The following MEPE variants were observed in gnomAD, a reference collection of about 807,000 sequenced individuals.
MEPE encodes matrix extracellular phosphoglycoprotein.
MEPE carries 7 observed loss-of-function variants against 7.3 expected under a neutral mutation model. That is an observed-to-expected ratio of 0.95 (90% CI 0.54 to 1.79). The LOEUF is 1.79. MEPE is among the 40% of genes most tolerant of loss of function. The probability of loss-of-function intolerance (pLI) is 0.00; values close to 1 mark genes in which losing one functional copy is unlikely to be tolerated. For synonymous variants in MEPE, 214 were observed against 213.1 expected (o/e 1.00, Z -0.04); for missense variants, 623 against 628.2 (o/e 0.99, Z 0.09).
chr4:87,842,590 T>G (rs1443350026), intron 3 of MEPE, among the ~76,000 whole-genome samples: 2 of 152,010 alleles, frequency 1.3e-5, no homozygotes, highest in Non-Finnish European at 2.9e-5. Flanking sequence ...CATAATCAGG[T>G]GATGGGTCTG....
upstream of MEPE, among the ~76,000 whole-genome samples, chr4:87,831,644 C>T (rs2109992923): frequency 6.6e-6 from 1 of 152,230 alleles, no homozygotes; most frequent in African/African-American, 2.4e-5. Flanking sequence ...GTGCTTAAAA[C>T]CTCCAAGGAC....
chr4:87,832,787 C>T (rs561158194), upstream of MEPE: 1 of 152,278 alleles, frequency 6.6e-6, no homozygotes, highest in East Asian at 1.9e-4. Flanking sequence ...ATCCCACTTT[C>T]TGGAACATTT....
chr4:87,845,951 C>A lies in MEPE; in HGVS notation c.1083C>A (p.Gly361=), dbSNP rs758216837. The A allele has an allele frequency of 9.3e-6, 15 of 1,613,958 alleles. No individual in the cohort carries two copies. Among genetic ancestry groups the A allele is most frequent in the East Asian group, 2.2e-5 (1 of 44,872 alleles). The change falls in exon 4 of 4, where the codon GGC becomes GGA. Residue 361 remains glycine (G), a synonymous_variant. Coordinates refer to ENST00000361056, the MANE Select transcript of MEPE (RefSeq NM_020203.6). ...GAGAAGGAAACAGAGTGGATGCTGG[C>A]AGCCAAAATGCTCACCAAGGGAAGG... The part of the protein sequence containing the change: ...PGREGNRVDA[G]SQNAHQGKVE...
intron 1 of MEPE, 68 bp from the exon 2 acceptor site, chr4:87,834,633 TTA>T: frequency 8.2e-7 from 1 of 1,217,658 alleles, no homozygotes; most frequent in Admixed American, 1.9e-5. Context: ...CCTATGTGTT[TTA>T]TCTCTTCTTA....
intron 1 of MEPE, among the ~76,000 whole-genome samples, chr4:87,824,088 T>C (rs530981898): frequency 5.8e-4 from 89 of 152,352 alleles, no homozygotes; most frequent in African/African-American, 1.9e-3. Context: ...ATGTACAGAA[T>C]TCATCTTATC....
chr4:87,834,259 C>A (rs1722694044), intron 1 of MEPE, among the ~76,000 whole-genome samples: 1 of 152,158 alleles, frequency 6.6e-6, no homozygotes, highest in African/African-American at 2.4e-5. Context: ...GGGCACCAGC[C>A]CGGAGGCAGA....
rs1451059865 is a variant in MEPE at position 87,845,299 on chromosome 4, C to A, written c.431C>A (p.Ala144Glu). The change falls in exon 4 of 4, where the codon GCA becomes GAA. Residue 144 changes from alanine (A) to glutamate (E), a missense_variant. Physicochemically the swap from Ala to Glu is moderately radical, Grantham distance 107. Coordinates refer to ENST00000361056, the MANE Select transcript of MEPE (RefSeq NM_020203.6). ...CTACATGACCAAGAAGAATATGGCG[C>A]AGCTCTCATCAGAAATAACATGCAA... is the stretch of plus-strand genomic sequence containing the variant. ...SKLHDQEEYG[A>E]ALIRNNMQHI... The A allele has an allele frequency of 5.0e-6, 8 of 1,613,870 alleles. No homozygotes were observed. Among genetic ancestry groups the A allele is most frequent in the Non-Finnish European group, 6.8e-6 (8 of 1,179,976 alleles).
rs1336219623 is a variant in MEPE at position 87,846,485 on chromosome 4, C to A, written c.*39C>A. ...CCCAGCGGGGTGACAGTCTGAAGAC[C>A]TCGTCACCTGTGAGTTGATGTAGAG... is the stretch of plus-strand genomic sequence containing the variant. On this transcript the variant is annotated 3_prime_UTR_variant, in exon 4 of 4. Transcript: ENST00000361056. 5 of 1,578,580 alleles carry A rather than the reference C, an allele frequency of 3.2e-6. No homozygotes were observed. The East Asian group carries it at 1.1e-4, about 35-fold the overall frequency.
Position 87,845,792 on chromosome 4 carries a change from G to A in MEPE, c.924G>A (p.Glu308=), listed in dbSNP as rs562209605. The A allele has an allele frequency of 6.8e-6, 11 of 1,614,042 alleles. No homozygotes were observed. Among genetic ancestry groups the A allele is most frequent in the South Asian group, 6.6e-5 (6 of 91,058 alleles). ...TKKPGYNEIP[E]REENGGNTIG... ...AGCCAGGTTATAATGAGATCCCAGA[G>A]AGAGAAGAAAATGGTGGAAATACCA... The change falls in exon 4 of 4, where the codon GAG becomes GAA. Residue 308 remains glutamate (E), a synonymous_variant. Transcript: ENST00000361056.
upstream of MEPE, among the ~76,000 whole-genome samples, chr4:87,831,868 C>T (rs1040142254): frequency 1.3e-5 from 2 of 151,994 alleles, no homozygotes; most frequent in Admixed American, 6.6e-5. Flanking sequence ...AATGGTCTTC[C>T]CATAGACAGT....
rs562792029 is a variant in MEPE, at chr4:87,839,752, A to T, written c.108+1067A>T. 10 of 1,550,174 alleles carry T rather than the reference A, an allele frequency of 6.5e-6. No individual in the cohort carries two copies. In the African/African-American group the frequency reaches 9.6e-5, roughly 15 times the overall value. On this transcript the variant is annotated intron_variant, in intron 3 of 3. Transcript: ENST00000361056. ...TTTAAGTGTGTTTACATGTCACCTG[A>T]GAAGAAAAATCAAACTGATGTAAAG...
upstream of MEPE, among the ~76,000 whole-genome samples, chr4:87,828,713 C>T (rs577380644): frequency 7.9e-5 from 12 of 152,240 alleles, no homozygotes; most frequent in African/African-American, 1.7e-4. Flanking sequence ...GAAAAACCCA[C>T]GACAGGATGA....
intron 1 of MEPE, among the ~76,000 whole-genome samples, chr4:87,833,297 C>T (rs1722649760): frequency 6.6e-6 from 1 of 151,940 alleles, no homozygotes; most frequent in Non-Finnish European, 1.5e-5. Flanking sequence ...TTCTTCTATC[C>T]CTTCACTTAA....
At position 87,846,438 on chromosome 4, in the gene MEPE, G is replaced by A; in HGVS notation, c.1570G>A (p.Gly524Ser). The A allele has an allele frequency of 1.2e-6, 2 of 1,611,960 alleles. No homozygotes were observed. Among genetic ancestry groups the A allele is most frequent in the Non-Finnish European group, 1.7e-6 (2 of 1,178,904 alleles). The change falls in exon 4 of 4, where the codon GGT (glycine) becomes AGT (serine). Residue 524 changes from glycine (G) to serine (S), a missense_variant. Physicochemically the swap from Gly to Ser is moderately conservative, Grantham distance 56. Transcript: ENST00000361056. The stretch of plus-strand genomic sequence containing the variant: ...CAGTGGCAGTTCAAGTGAGAGCGAT[G>A]GTGACTAGTCCACCAGGAGTTCCCA... ...SDSGSSSESD[G>S]D
In MEPE at chr4:87,846,792, A is replaced by C. The variant is rs960336122; in HGVS notation, c.*346A>C. 2.1e-5 allele frequency: 4 copies of C among 190,928 alleles called. No individual in the cohort carries two copies. The East Asian group carries it at 5.3e-4, about 25-fold the overall frequency. The allele number at this position is 190,928 out of a possible 1,614,324, so 11.8% of individuals were successfully genotyped here. ...AAATAAACAATATCTCTCGATGATA[A>C]TTTGTATTAAGTAATCTATAAGAAA... On this transcript the variant is annotated 3_prime_UTR_variant, in exon 4 of 4. Transcript: ENST00000361056.
chr4:87,835,051 G>GAT (rs892617025), intron 2 of MEPE, among the ~76,000 whole-genome samples: 50 of 152,248 alleles, frequency 3.3e-4, no homozygotes, highest in African/African-American at 1.2e-3. Context: ...CAAATCAGCT[G>GAT]ATACTAATGA....
chr4:87,839,869 CTTGCT>C, intron 3 of MEPE: 1 of 1,542,924 alleles, frequency 6.5e-7, no homozygotes, highest in African/African-American at 1.4e-5. Flanking sequence ...TTTACTTTTG[CTTGCT>C]CTGGGGTTTC....
upstream of MEPE, among the ~76,000 whole-genome samples, chr4:87,832,511 CAG>C (rs554503411): frequency 8.0e-3 from 1,215 of 152,248 alleles, 16 homozygotes; most frequent in African/African-American, 0.028. Flanking sequence ...TCCAGGAAGA[CAG>C]GGATTTTTTT....
intron 3 of MEPE, among the ~76,000 whole-genome samples, chr4:87,839,268 C>T (rs1387942057): frequency 6.6e-6 from 1 of 152,288 alleles, no homozygotes; most frequent in Non-Finnish European, 1.5e-5. Context: ...GCCAACGTTG[C>T]CAGCTTAAGA....
Sources: allele counts gnomAD v4.1 joint callset (sites outside exome capture counted in the v4.1 genomes callset), GRCh38; gene constraint gnomAD v4.1.1; transcripts MANE v1.5; gene names NCBI Gene and HGNC (gene_info 2026-07-23, HGNC 2026-07-21).